The following NPAT variants were observed in gnomAD, a reference collection of about 807,000 sequenced individuals.
The protein encoded by NPAT is nuclear protein, coactivator of histone transcription.
A neutral mutation model predicts 130.7 loss-of-function variants in NPAT; 52 were observed. The observed-to-expected ratio is 0.40, with a 90% CI of 0.32 to 0.50. The LOEUF (loss-of-function observed/expected upper bound fraction) is 0.50, where lower values mean the gene tolerates loss of function less well. NPAT is among the 20% of genes least tolerant of loss of function. The pLI, the probability that NPAT is intolerant of heterozygous loss-of-function variation, is 0.68. For synonymous variants in NPAT, 580 were observed against 584.8 expected, an observed-to-expected ratio of 0.99 and a Z score of 0.12; for missense variants, 1,687 against 1,662.6, an observed-to-expected ratio of 1.01 and a Z score of -0.26.
chr11:108,197,760 G>A (rs1454914901), intron 1 of NPAT, among the ~76,000 whole-genome samples: 4 of 152,246 alleles, frequency 2.6e-5, no homozygotes, highest in Admixed American at 6.5e-5. Context: ...GACCAAGTCA[G>A]TTGATGGTAT....
intron 1 of NPAT, 135 bp downstream of exon 1, chr11:108,222,365 C>T: frequency 1.1e-6 from 1 of 883,008 alleles, no homozygotes; most frequent in Non-Finnish European, 1.9e-6. Context: ...GACGAAGAAT[C>T]ACCGCCAGTC....
intron 1 of NPAT, among the ~76,000 whole-genome samples, chr11:108,208,994 G>A (rs1008474464): frequency 3.3e-5 from 5 of 152,200 alleles, no homozygotes; most frequent in Non-Finnish European, 7.4e-5. Flanking sequence ...ATTTAAAAAA[G>A]AGATGCCAGG....
intron 1 of NPAT, among the ~76,000 whole-genome samples, chr11:108,215,576 T>C (rs2078428859): frequency 6.6e-6 from 1 of 152,234 alleles, no homozygotes. Flanking sequence ...TATAACGTTC[T>C]ACTCTCTTCA....
chr11:108,165,472 A>ATAT (rs1555039325), intron 15 of NPAT, among the ~76,000 whole-genome samples: 11,095 of 129,508 alleles, frequency 0.086, 670 homozygotes, highest in Non-Finnish European at 0.11. Flanking sequence ...ATATATATAT[A>ATAT]TTTTTTTTTT....
intron 10 of NPAT, among the ~76,000 whole-genome samples, chr11:108,178,003 G>C (rs1176879258): frequency 6.6e-6 from 1 of 152,200 alleles, no homozygotes; most frequent in East Asian, 1.9e-4. Context: ...CTACAGGCAT[G>C]AGTTACTGTG....
intron 10 of NPAT, among the ~76,000 whole-genome samples, chr11:108,178,727 G>A (rs186361040): frequency 0.017 from 2,620 of 152,112 alleles, 41 homozygotes; most frequent in South Asian, 0.038. Flanking sequence ...GTGTGGTGGC[G>A]CATGCCTGTA....
In NPAT at chr11:108,169,842, A is replaced by G. The variant is rs530682216; in HGVS notation, c.2912T>C (p.Met971Thr). 9 of 1,613,870 alleles carry G rather than the reference A, an allele frequency of 5.6e-6. No homozygotes were observed. The South Asian group carries it at 7.7e-5, about 14-fold the overall frequency. The part of the protein sequence containing the change: ...FSTPPRQVLH[M>T]PLTAPVCNRS... The stretch of plus-strand genomic sequence containing the variant: ...ATTGCATACAGGTGCTGTCAAAGGC[A>G]TATGAAGAACCTGGAAGAGAAAAAG... Residue 971 changes from methionine to threonine, a missense_variant, in exon 15 of 18, where the codon ATG becomes ACG. This residue lies in a region of NPAT where 1,379 missense variants were observed against 1,346.6 expected (regional missense o/e 1.02). Transcript: ENST00000278612.
Position 108,185,285 on chromosome 11 carries a change from C to A in NPAT, c.853G>T (p.Asp285Tyr). 3 of 1,612,294 alleles carry A rather than the reference C, an allele frequency of 1.9e-6. No individual in the cohort carries two copies. The highest frequency in any genetic ancestry group is 2.5e-6 in the Non-Finnish European group (3 of 1,178,948). The change falls in exon 10 of 18, where the codon GAT becomes TAT. Residue 285 changes from aspartate to tyrosine, a missense_variant. Around this residue, in one of 3 missense-constraint regions of NPAT, gnomAD observed 1,379 missense variants for 1,346.6 expected, o/e 1.02. Transcript: ENST00000278612. Reference sequence around the variant, plus strand: ...GTCTCTGGCTCCGTAGGGTTGTTATCTGTTTGCTTAGGTACTTGGGCAATA... The same window carrying A: ...GTCTCTGGCTCCGTAGGGTTGTTATATGTTTGCTTAGGTACTTGGGCAATA... ...NNIAQVPKQT[D>Y]NNPTEPETSI...
At chr11:108,190,003 T>C (rs1182829360) in intron 5 of NPAT, among the ~76,000 whole-genome samples, 1 of 151,002 alleles carries the variant, frequency 6.6e-6, no homozygotes, top group African/African-American at 2.4e-5. Flanking sequence ...TTAATTAACA[T>C]AACTGTACTT....
Position 108,193,964 on chromosome 11 carries a change from T to G in NPAT, c.210A>C (p.Lys70Asn). 1.3e-6 allele frequency: 2 copies of G among 1,566,194 alleles called. No homozygotes were observed. Among genetic ancestry groups the G allele is most frequent in the Non-Finnish European group, 1.8e-6 (2 of 1,137,108 alleles). Reference protein sequence around the residue: ...TTILNEYVAMKTKETSNNVPA... With the variant: ...TTILNEYVAMNTKETSNNVPA... Reference sequence around the variant, plus strand: ...CCAAATCAGAACTCTTACCTTTTGTTTTCATAGCTACATACTCATTTAAAA... The same window carrying G: ...CCAAATCAGAACTCTTACCTTTTGTGTTCATAGCTACATACTCATTTAAAA... Residue 70 changes from lysine to asparagine, a missense_variant, in exon 3 of 18, where the codon AAA (lysine) becomes AAC (asparagine). Lys to Asn is a moderately conservative substitution (Grantham distance 94). Coordinates refer to ENST00000278612, the MANE Select transcript of NPAT (RefSeq NM_002519.3).
At chr11:108,178,064 T>C (rs184628959) in intron 10 of NPAT, among the ~76,000 whole-genome samples, 65 of 152,322 alleles carry the variant, frequency 4.3e-4, no homozygotes, top group Non-Finnish European at 8.2e-4. Flanking sequence ...CATTACTCTA[T>C]TGTAGACTGC....
intron 5 of NPAT, among the ~76,000 whole-genome samples, chr11:108,190,184 AC>A (rs2134864738): frequency 6.6e-6 from 1 of 150,472 alleles, no homozygotes; most frequent in South Asian, 2.1e-4. Context: ...GTGGTGGCAC[AC>A]GCCTGTAGTC....
At chr11:108,175,276 AC>A (rs2077994626) in intron 12 of NPAT, among the ~76,000 whole-genome samples, 1 of 152,246 alleles carries the variant, frequency 6.6e-6, no homozygotes, top group Admixed American at 6.5e-5. Flanking sequence ...AAAGGAAAAA[AC>A]AGTAAATACT....
chr11:108,210,961 CTA>C, intron 1 of NPAT, among the ~76,000 whole-genome samples: 1 of 152,326 alleles, frequency 6.6e-6, no homozygotes, highest in East Asian at 1.9e-4. Context: ...TGGCTCATGC[CTA>C]TAATCCCAGC....
intron 1 of NPAT, among the ~76,000 whole-genome samples, chr11:108,209,770 T>C (rs2078365558): frequency 6.6e-6 from 1 of 151,060 alleles, no homozygotes; most frequent in Non-Finnish European, 1.5e-5. Flanking sequence ...TCGCCTGTAG[T>C]CCCAGCTCCT....
At chr11:108,169,715 G>C in intron 15 of NPAT, 29 bp downstream of exon 15, 2 of 1,434,734 alleles carry the variant, frequency 1.4e-6, no homozygotes, top group Non-Finnish European at 2.0e-6. Flanking sequence ...CAAACATAAA[G>C]TTAACATTAA....
intron 5 of NPAT, among the ~76,000 whole-genome samples, chr11:108,189,630 G>A (rs559144877): frequency 8.7e-4 from 132 of 152,004 alleles, no homozygotes; most frequent in Middle Eastern, 3.2e-3. Flanking sequence ...CAGCACTTTG[G>A]GAGGCCGAGG....
At position 108,186,570 on chromosome 11, in the gene NPAT, C is replaced by G. The variant is rs1193459127; in HGVS notation, c.639-1G>C. 2 of 1,612,084 alleles carry G rather than the reference C, an allele frequency of 1.2e-6. No individual in the cohort carries two copies. On this transcript the variant is annotated splice_acceptor_variant, in intron 7 of 17. Coordinates refer to ENST00000278612, the MANE Select transcript of NPAT (RefSeq NM_002519.3). LOFTEE classifies it high-confidence loss of function. ...AGTGGTACTTTTTCTCTGAGATTCA[C>G]TGAAACACATTTTAAAAGCTTTTCT...
chr11:108,166,278 G>C (rs1039421873), intron 15 of NPAT, among the ~76,000 whole-genome samples: 7 of 152,058 alleles, frequency 4.6e-5, no homozygotes, highest in Non-Finnish European at 8.8e-5. Flanking sequence ...TGTAATCCCA[G>C]CTACAAGGGA....
Sources: allele counts gnomAD v4.1 joint callset (sites outside exome capture counted in the v4.1 genomes callset), GRCh38; gene constraint gnomAD v4.1.1; regional missense constraint gnomAD v4.1.1; transcripts MANE v1.5; gene names NCBI Gene and HGNC (gene_info 2026-07-23, HGNC 2026-07-21).